The following UTRN variants were observed in gnomAD, a reference collection of about 807,000 sequenced individuals.
The protein encoded by UTRN is dystrophin-related protein 1.
A neutral mutation model predicts 463.9 loss-of-function variants in UTRN; 283 were observed. The ratio of observed to expected loss-of-function variants is 0.61; its 90% confidence interval spans 0.55 to 0.67. The LOEUF (loss-of-function observed/expected upper bound fraction) is 0.67, where lower values mean the gene tolerates loss of function less well. Among genes scored for constraint, UTRN ranks in the 30% least tolerant of loss-of-function variants. The probability of loss-of-function intolerance (pLI) is 0.00; values close to 1 mark genes in which losing one functional copy is unlikely to be tolerated. For synonymous variants in UTRN, 1,442 were observed against 1,431.5 expected (o/e 1.01, Z -0.17); for missense variants, 3,922 against 4,084.3 (o/e 0.96, Z 1.08).
At chr6:144,603,912 A>T (rs1804538189) in intron 51 of UTRN, among the ~76,000 whole-genome samples, 1 of 152,190 alleles carries the variant, frequency 6.6e-6, no homozygotes, top group African/African-American at 2.4e-5. Flanking sequence ...GTATATCAAT[A>T]CTCAGAGCCT....
chr6:144,733,106 A>G (rs930379065), intron 54 of UTRN, among the ~76,000 whole-genome samples: 9 of 152,222 alleles, frequency 5.9e-5, no homozygotes, highest in Non-Finnish European at 8.8e-5. Flanking sequence ...CACAAATGTG[A>G]TTTCTGTGCA....
intron 51 of UTRN, among the ~76,000 whole-genome samples, chr6:144,638,118 C>T (rs1348098533): frequency 2.6e-5 from 4 of 152,000 alleles, no homozygotes; most frequent in Non-Finnish European, 5.9e-5. Flanking sequence ...CTGAAATACC[C>T]CAAATGGTTA....
intron 60 of UTRN, among the ~76,000 whole-genome samples, chr6:144,778,635 TA>T (rs957152516): frequency 6.7e-6 from 1 of 149,778 alleles, no homozygotes; most frequent in Non-Finnish European, 1.5e-5. Context: ...AATAATAAAA[TA>T]AAAAAATAAA....
chr6:144,560,529 T>C (rs565254575), intron 50 of UTRN, among the ~76,000 whole-genome samples: 1 of 152,282 alleles, frequency 6.6e-6, no homozygotes, highest in South Asian at 2.1e-4. Flanking sequence ...GCCTGTTCTT[T>C]ATATACATCA....
At chr6:144,747,227 GTC>G (rs1304246027) in intron 54 of UTRN, among the ~76,000 whole-genome samples, 2 of 152,198 alleles carry the variant, frequency 1.3e-5, no homozygotes, top group African/African-American at 4.8e-5. Flanking sequence ...TGTGTTTTCT[GTC>G]TCAAATTAAT....
intron 3 of UTRN, among the ~76,000 whole-genome samples, chr6:144,406,356 C>CTTTTTTTTTTTTTTTTTT (rs57721924): frequency 5.6e-5 from 7 of 125,558 alleles, no homozygotes; most frequent in African/African-American, 9.9e-5. Flanking sequence ...TTTTTCTTTT[C>CTTTTTTTTTTTTTTTTTT]TTTTTTTTTT....
intron 39 of UTRN, among the ~76,000 whole-genome samples, chr6:144,520,370 G>C (rs948447744): frequency 6.6e-6 from 1 of 151,894 alleles, no homozygotes; most frequent in African/African-American, 2.4e-5. Flanking sequence ...CTGGTTTCTG[G>C]GTAGATATGT....
In UTRN at chr6:144,440,503, G is replaced by A. The variant is rs371687138; in HGVS notation, c.1512+32G>A. On this transcript the variant is annotated intron_variant, in intron 13 of 74. Coordinates refer to ENST00000367545, the MANE Select transcript of UTRN (RefSeq NM_007124.3). ...GTGCTGTAAAGTTGGATAATCCTGAGGGACCTGTGGTCTGAGACCCAATTA... is the reference window on the plus strand; with the variant it reads ...GTGCTGTAAAGTTGGATAATCCTGAAGGACCTGTGGTCTGAGACCCAATTA... 68 of 1,613,394 alleles carry A rather than the reference G, an allele frequency of 4.2e-5. 1 individual carries two copies. The South Asian group carries it at 4.3e-4, about 10-fold the overall frequency.
intron 53 of UTRN, among the ~76,000 whole-genome samples, chr6:144,725,890 G>A (rs1187660429): frequency 6.6e-6 from 1 of 152,192 alleles, no homozygotes; most frequent in East Asian, 1.9e-4. Context: ...ATTGGCATGA[G>A]GGCCAGAGCC....
intron 66 of UTRN, among the ~76,000 whole-genome samples, chr6:144,826,161 A>AAAAAAAATAAATAAAT (rs1554408908): frequency 6.7e-6 from 1 of 148,592 alleles, no homozygotes; most frequent in African/African-American, 2.5e-5. Flanking sequence ...AATAAAAGAA[A>AAAAAAAATAAATAAAT]AAATAAATAA....
rs768805879 is a variant in UTRN, at chr6:144,403,213, G to A, written c.141+29G>A. 79 of 1,598,482 alleles carry A rather than the reference G, an allele frequency of 4.9e-5. No homozygotes were observed. The Admixed American group carries it at 8.2e-4, about 17-fold the overall frequency. ...ACTGAGACTTTCAAAAACTTCGATG[G>A]TTCAGATGCCGCATTCTGATTGAAG... On this transcript the variant is annotated intron_variant, in intron 3 of 74. Transcript: ENST00000367545.
At position 144,453,882 on chromosome 6, in the gene UTRN, AT is replaced by A; in HGVS notation, c.2284+20del. On this transcript the variant is annotated intron_variant, in intron 19 of 74. Transcript: ENST00000367545. ...CAAATGGGAAAAGGTAAGATCCTTG[AT>A]TTTTTTCCCCTATATTTTTCAGATG... 6.2e-7 allele frequency: 1 copy of A among 1,607,292 alleles called. No individual in the cohort carries two copies. The highest frequency in any genetic ancestry group is 8.5e-7 in the Non-Finnish European group (1 of 1,175,628).
At chr6:144,816,113 C>A (rs746727710) in intron 65 of UTRN, among the ~76,000 whole-genome samples, 1 of 152,088 alleles carries the variant, frequency 6.6e-6, no homozygotes, top group Non-Finnish European at 1.5e-5. Flanking sequence ...AGAGGACAGA[C>A]GAAAGTACTG....
At chr6:144,329,953 T>A (rs1776224682) in intron 2 of UTRN, among the ~76,000 whole-genome samples, 2 of 152,200 alleles carry the variant, frequency 1.3e-5, no homozygotes, top group Non-Finnish European at 2.9e-5. Flanking sequence ...GCATCTGGCC[T>A]CTTGAGTGTG....
intron 51 of UTRN, among the ~76,000 whole-genome samples, chr6:144,672,429 C>T (rs1781145929): frequency 6.6e-6 from 1 of 151,846 alleles, no homozygotes; most frequent in African/African-American, 2.4e-5. Flanking sequence ...TCTGTGTTTT[C>T]TAGCTTATGT....
rs141028151 is a variant in UTRN at position 144,811,232 on chromosome 6, G to A, written c.9357+8085G>A. On this transcript the variant is annotated intron_variant, in intron 65 of 74. Transcript: ENST00000367545. ...TGATCAATCCTTTCCACCCCTGCCAGCATCAATGTACTTCGTAAGACTATA... is the reference window on the plus strand; with the variant it reads ...TGATCAATCCTTTCCACCCCTGCCAACATCAATGTACTTCGTAAGACTATA... Among the ~76,000 whole-genome samples the A allele has an allele frequency of 4.4e-3, 665 of 152,180 alleles. 1 individual carries two copies. Among genetic ancestry groups the A allele is most frequent in the African/African-American group, 0.013 (553 of 41,514 alleles).
intron 55 of UTRN, among the ~76,000 whole-genome samples, chr6:144,750,651 T>G (rs1791294921): frequency 6.6e-6 from 1 of 152,198 alleles, no homozygotes; most frequent in African/African-American, 2.4e-5. Context: ...TAACTATAAT[T>G]TTGTGGCCAA....
chr6:144,454,283 CTT>C (rs1788607612), intron 19 of UTRN, among the ~76,000 whole-genome samples: 3 of 152,074 alleles, frequency 2.0e-5, no homozygotes, highest in South Asian at 4.1e-4. Context: ...TTTTTGATAA[CTT>C]TTAATGCATT....
Position 144,638,269 on chromosome 6 carries a change from C to T in UTRN, c.7480-40137C>T, listed in dbSNP as rs1777393819. On this transcript the variant is annotated intron_variant, in intron 51 of 74. Coordinates refer to ENST00000367545, the MANE Select transcript of UTRN (RefSeq NM_007124.3). Reference sequence around the variant, plus strand: ...TCTTTAAAACAGTGCTCATTATACTCGGAAGATAAGCTCTTGAGCATCTGT... The same window carrying T: ...TCTTTAAAACAGTGCTCATTATACTTGGAAGATAAGCTCTTGAGCATCTGT... 2.6e-5 allele frequency among the ~76,000 whole-genome samples: 4 copies of T among 152,180 alleles called. No homozygotes were observed. In the South Asian group the frequency reaches 6.2e-4, roughly 24 times the overall value.
Sources: gnomAD v4.1 joint callset for allele counts (sites outside exome capture counted in the v4.1 genomes callset) on GRCh38, gnomAD v4.1.1 for gene constraint, MANE v1.5 for transcripts, NCBI Gene and HGNC (gene_info 2026-07-23, HGNC 2026-07-21) for gene names.